The following ZNF343 variants were observed in gnomAD, a reference collection of about 807,000 sequenced individuals.
ZNF343 encodes the protein zinc finger protein 343.
A neutral mutation model predicts 13.8 loss-of-function variants in ZNF343; 11 were observed. That is an observed-to-expected ratio of 0.80 (90% CI 0.50 to 1.32). The LOEUF is 1.32. ZNF343 is among the 40% of genes most tolerant of loss of function. ZNF343 has a pLI of 0.00. For missense variants in ZNF343, 658 were observed against 714.2 expected (o/e 0.92, Z 0.90); for synonymous variants, 248 against 260.0 (o/e 0.95, Z 0.44).
rs763892383 is a variant in ZNF343 at position 2,493,768 on chromosome 20, C to A, written c.118+10G>T. 1.3e-5 allele frequency: 21 copies of A among 1,607,946 alleles called. No individual in the cohort carries two copies. The highest frequency in any genetic ancestry group is 2.2e-5 in the East Asian group (1 of 44,840). On this transcript the variant is annotated intron_variant, in intron 3 of 5. Transcript: ENST00000278772. ...CTCTTCATCCCTCCGGCTCCCTCAA[C>A]AATTCTCACCTTTCGCTTTATGATT... is the stretch of plus-strand genomic sequence containing the variant.
chr20:2,519,532 G>T (rs1266660245), intron 1 of ZNF343, among the ~76,000 whole-genome samples: 1 of 152,196 alleles, frequency 6.6e-6, no homozygotes, highest in Non-Finnish European at 1.5e-5. Flanking sequence ...GCTCCAGCCT[G>T]CCAGCCTCCA....
At chr20:2,485,929 G>A (rs1251743532) in intron 5 of ZNF343, among the ~76,000 whole-genome samples, 1 of 152,192 alleles carries the variant, frequency 6.6e-6, no homozygotes, top group Non-Finnish European at 1.5e-5. Flanking sequence ...AGCACTCCCT[G>A]AGTCTGTTTG....
intron 2 of ZNF343, among the ~76,000 whole-genome samples, chr20:2,495,684 C>CTT (rs776678618): frequency 2.2e-5 from 3 of 136,802 alleles, no homozygotes; most frequent in African/African-American, 8.0e-5. Context: ...TTTCTTTTTT[C>CTT]TTTTTTTTTT....
chr20:2,492,720 A>G lies in ZNF343; in HGVS notation c.283T>C (p.Tyr95His), dbSNP rs1367558856. Reference protein sequence around the residue: ...NLYKEVMLENYRNLLSLAEPK... With the variant: ...NLYKEVMLENHRNLLSLAEPK... ...TTACCCAATGAGAGAAGATTCCTGT[A>G]ATTCTCCAGCATCACTTCTTTGTAT... Residue 95 changes from tyrosine to histidine, a missense_variant, in exon 5 of 6, where the codon TAC becomes CAC. Tyr to His is a moderately conservative substitution (Grantham distance 83, BLOSUM62 2). Coordinates refer to ENST00000278772, the MANE Select transcript of ZNF343 (RefSeq NM_024325.6). 6.2e-7 allele frequency: 1 copy of G among 1,610,908 alleles called. No homozygotes were observed. Among genetic ancestry groups the G allele is most frequent in the Non-Finnish European group, 8.5e-7 (1 of 1,179,220 alleles).
At chr20:2,494,445 C>T (rs1486347030) in intron 2 of ZNF343, among the ~76,000 whole-genome samples, 2 of 152,068 alleles carry the variant, frequency 1.3e-5, no homozygotes, top group Non-Finnish European at 2.9e-5. Flanking sequence ...GATTCCCCTG[C>T]CCCAACCCAA....
In ZNF343 at chr20:2,483,500, G is replaced by A. The variant is rs770591636; in HGVS notation, c.1461C>T (p.His487=). 1.2e-6 allele frequency: 2 copies of A among 1,612,808 alleles called. No individual in the cohort carries two copies. Among genetic ancestry groups the A allele is most frequent in the Non-Finnish European group, 1.7e-6 (2 of 1,179,610 alleles). ...TGCAGACATAATGCTTCTCCCCTGA[G>A]TGTGTCCTCTGGTGGACAAGGAGGA... is the stretch of plus-strand genomic sequence containing the variant. ...KSLLLVHQRT[H]SGEKHYVCRE... The change falls in exon 6 of 6, where the codon CAC becomes CAT. Residue 487 remains histidine (H), a synonymous_variant. Coordinates refer to ENST00000278772, the MANE Select transcript of ZNF343 (RefSeq NM_024325.6).
intron 1 of ZNF343, among the ~76,000 whole-genome samples, chr20:2,514,599 T>TA (rs2085751189): frequency 6.6e-6 from 1 of 152,316 alleles, no homozygotes; most frequent in African/African-American, 2.4e-5. Context: ...TCAGTATTTG[T>TA]AAAAATAAGC....
rs184635219 is a variant in ZNF343, at chr20:2,483,259, G to A, written c.1702C>T (p.Gln568Ter). 1 of 1,612,414 alleles carries A rather than the reference G, an allele frequency of 6.2e-7. No homozygotes were observed. The highest frequency in any genetic ancestry group is 1.7e-5 in the Admixed American group (1 of 59,544). ...FSRKSLLLVH[Q>*]RTHSGEKHYV... ...TGCTTCTCCCCTGAGTGTGTCCTCT[G>A]GTGGACAAGGAGGAGTGATTTCCGG... Residue 568 changes from glutamine to a stop codon, truncating the protein, a stop_gained, in exon 6 of 6, where the codon CAG becomes TAG. Coordinates refer to ENST00000278772, the MANE Select transcript of ZNF343 (RefSeq NM_024325.6). LOFTEE classifies it low-confidence loss of function (END_TRUNC).
At chr20:2,517,099 C>CA (rs748215752) in intron 1 of ZNF343, among the ~76,000 whole-genome samples, 12 of 152,232 alleles carry the variant, frequency 7.9e-5, no homozygotes, top group Non-Finnish European at 1.8e-4. Context: ...ACCATGCTTC[C>CA]AACTAAGGTT....
At chr20:2,494,745 GA>G (rs1310561801) in intron 2 of ZNF343, among the ~76,000 whole-genome samples, 15 of 149,168 alleles carry the variant, frequency 1.0e-4, no homozygotes, top group African/African-American at 3.5e-4. Flanking sequence ...CTCTAGCCTG[GA>G]CGGCAGGAGT....
At chr20:2,494,435 G>A (rs1179632212) in intron 2 of ZNF343, among the ~76,000 whole-genome samples, 1 of 151,984 alleles carries the variant, frequency 6.6e-6, no homozygotes, top group African/African-American at 2.4e-5. Flanking sequence ...CTCAGCTTCT[G>A]ATTCCCCTGC....
At chr20:2,519,584 G>T (rs901397456) in intron 1 of ZNF343, among the ~76,000 whole-genome samples, 2 of 152,182 alleles carry the variant, frequency 1.3e-5, no homozygotes, top group African/African-American at 4.8e-5. Flanking sequence ...CTCCATATGT[G>T]TGTGTGCATG....
intron 1 of ZNF343, among the ~76,000 whole-genome samples, chr20:2,505,801 T>C (rs1385502574): frequency 6.6e-6 from 1 of 152,146 alleles, no homozygotes; most frequent in Non-Finnish European, 1.5e-5. Context: ...TCAAGATGGA[T>C]TAAAGACTTA....
intron 5 of ZNF343, among the ~76,000 whole-genome samples, chr20:2,490,537 G>GTTGT (rs2085350480): frequency 8.0e-6 from 1 of 124,650 alleles, no homozygotes; most frequent in African/African-American, 3.0e-5. Context: ...CTTTTTTTTG[G>GTTGT]TTTTTGTTTT....
chr20:2,499,678 C>G (rs1043902116), intron 2 of ZNF343, among the ~76,000 whole-genome samples: 4 of 151,902 alleles, frequency 2.6e-5, no homozygotes, highest in Non-Finnish European at 5.9e-5. Flanking sequence ...GAGAGGACTC[C>G]ATCACTAATT....
chr20:2,510,386 G>A (rs1367717575), upstream of ZNF343, among the ~76,000 whole-genome samples: 1 of 152,138 alleles, frequency 6.6e-6, no homozygotes, highest in African/African-American at 2.4e-5. Flanking sequence ...TAATAAAACT[G>A]TTCTCCTTCT....
chr20:2,494,373 G>A (rs2085422425), intron 2 of ZNF343, among the ~76,000 whole-genome samples: 1 of 152,140 alleles, frequency 6.6e-6, no homozygotes. Flanking sequence ...CATAATGCCT[G>A]TGGAGAAAGA....
At chr20:2,501,349 G>A (rs2085562717) in intron 1 of ZNF343, among the ~76,000 whole-genome samples, 1 of 152,194 alleles carries the variant, frequency 6.6e-6, no homozygotes, top group Admixed American at 6.5e-5. Context: ...GCTCAAGGAG[G>A]CCTGCCTGCC....
chr20:2,514,025 G>A (rs1280191783), intron 1 of ZNF343, among the ~76,000 whole-genome samples: 18 of 152,178 alleles, frequency 1.2e-4, no homozygotes, highest in Admixed American at 5.9e-4. Context: ...CTTTTGGGGC[G>A]ATGAAAATAT....
Sources: allele counts gnomAD v4.1 joint callset (sites outside exome capture counted in the v4.1 genomes callset), GRCh38; gene constraint gnomAD v4.1.1; transcripts MANE v1.5; gene names NCBI Gene and HGNC (gene_info 2026-07-23, HGNC 2026-07-21).